Variants in LRRC4C observed in about 807,000 individuals in gnomAD.
LRRC4C encodes the protein leucine-rich repeat-containing protein 4C.
LRRC4C carries 5 observed loss-of-function variants against 33.6 expected under a neutral mutation model. The observed-to-expected ratio is 0.15, with a 90% CI of 0.08 to 0.31. The LOEUF is 0.31. LRRC4C is among the 10% of genes least tolerant of loss of function. The probability of loss-of-function intolerance (pLI) is 1.00; values close to 1 mark genes in which losing one functional copy is unlikely to be tolerated. For missense variants in LRRC4C, 560 were observed against 796.7 expected, an observed-to-expected ratio of 0.70 and a Z score of 3.58; for synonymous variants, 329 against 302.0, an observed-to-expected ratio of 1.09 and a Z score of -0.93.
chr11:40,542,569 C>T (rs1186741790), intron 3 of LRRC4C, among the ~76,000 whole-genome samples: 2 of 152,134 alleles, frequency 1.3e-5, no homozygotes, highest in African/African-American at 2.4e-5. Context: ...ACCAGGACCA[C>T]TTTTTATAAT....
At chr11:40,155,609 G>A (rs1858619786) in intron 5 of LRRC4C, among the ~76,000 whole-genome samples, 2 of 152,016 alleles carry the variant, frequency 1.3e-5, no homozygotes, top group Admixed American at 1.3e-4. Flanking sequence ...ACCCAGAAGA[G>A]ATGGATAAAT....
intron 4 of LRRC4C, among the ~76,000 whole-genome samples, chr11:40,281,951 G>A (rs1356921046): frequency 6.6e-6 from 1 of 152,156 alleles, no homozygotes; most frequent in Non-Finnish European, 1.5e-5. Context: ...CATTCCCAAT[G>A]TGACTTGGTC....
chr11:40,897,705 T>C (rs1256160894), intron 2 of LRRC4C, among the ~76,000 whole-genome samples: 1 of 152,212 alleles, frequency 6.6e-6, no homozygotes, highest in Admixed American at 6.5e-5. Context: ...ATACAGCTAT[T>C]ACTGCTGATA....
chr11:40,909,227 A>G (rs1484014791), intron 2 of LRRC4C, among the ~76,000 whole-genome samples: 1 of 152,022 alleles, frequency 6.6e-6, no homozygotes, highest in Admixed American at 6.6e-5. Flanking sequence ...TTTTAAATCA[A>G]TCTTTTAGGT....
chr11:41,229,180 G>C (rs1441206847), intron 1 of LRRC4C, among the ~76,000 whole-genome samples: 1 of 151,972 alleles, frequency 6.6e-6, no homozygotes, highest in African/African-American at 2.4e-5. Context: ...ACTGTATTTG[G>C]AGATCAGGTC....
rs1473386961 is a variant in LRRC4C, at chr11:40,425,731, T to C, written c.-269-106010A>G. The stretch of plus-strand genomic sequence containing the variant: ...TAGTGACACTAATTGTCTTGTCTCA[T>C]GACATAAAACACTGGAACAACTAAA... On this transcript the variant is annotated intron_variant, in intron 3 of 6. Transcript: ENST00000528697. Among the ~76,000 whole-genome samples the C allele has an allele frequency of 2.0e-5, 3 of 152,248 alleles. No homozygotes were observed. The East Asian group carries it at 5.8e-4, about 29-fold the overall frequency.
intron 1 of LRRC4C, among the ~76,000 whole-genome samples, chr11:41,141,260 C>T (rs762655091): frequency 3.3e-5 from 5 of 152,054 alleles, no homozygotes; most frequent in Non-Finnish European, 5.9e-5. Context: ...CACCACCACA[C>T]AAAATTTCCA....
At chr11:40,854,371 T>G (rs898130145) in intron 2 of LRRC4C, among the ~76,000 whole-genome samples, 2 of 152,312 alleles carry the variant, frequency 1.3e-5, no homozygotes, top group South Asian at 2.1e-4. Flanking sequence ...GAAGTGTAGA[T>G]GAGAGCTTCA....
At chr11:40,987,681 T>TATATATATATATATATATATG (rs1565274752) in intron 1 of LRRC4C, among the ~76,000 whole-genome samples, 5 of 74,648 alleles carry the variant, frequency 6.7e-5, no homozygotes, top group South Asian at 4.1e-4. Context: ...AAATGATATA[T>TATATATATATATATATATATG]ATATATATAT....
At chr11:41,168,283 G>A (rs944819537) in intron 1 of LRRC4C, among the ~76,000 whole-genome samples, 8 of 152,130 alleles carry the variant, frequency 5.3e-5, no homozygotes, top group African/African-American at 1.9e-4. Flanking sequence ...AAAAACTGAT[G>A]AGCTAGCTAA....
intron 3 of LRRC4C, among the ~76,000 whole-genome samples, chr11:40,635,754 A>G (rs1244859962): frequency 6.8e-6 from 1 of 146,266 alleles, no homozygotes; most frequent in Non-Finnish European, 1.5e-5. Flanking sequence ...CTCCTGCCTC[A>G]GCCTTCCGAG....
intron 3 of LRRC4C, among the ~76,000 whole-genome samples, chr11:40,616,023 C>G (rs11035960): frequency 1.3e-5 from 2 of 151,396 alleles, no homozygotes; most frequent in Admixed American, 6.6e-5. Context: ...AAGAGAATAT[C>G]AGGATCCGGA....
intron 2 of LRRC4C, among the ~76,000 whole-genome samples, chr11:40,909,073 T>A (rs1274929157): frequency 6.6e-6 from 1 of 152,128 alleles, no homozygotes; most frequent in Non-Finnish European, 1.5e-5. Flanking sequence ...TGTTATTTTC[T>A]TTATATAACA....
At chr11:41,261,617 T>C (rs1034110442) in intron 1 of LRRC4C, among the ~76,000 whole-genome samples, 1 of 152,110 alleles carries the variant, frequency 6.6e-6, no homozygotes, top group Non-Finnish European at 1.5e-5. Flanking sequence ...TAGAACATGT[T>C]ATAAAGTACA....
At chr11:40,510,403 T>A (rs1372529405) in intron 3 of LRRC4C, among the ~76,000 whole-genome samples, 1 of 151,970 alleles carries the variant, frequency 6.6e-6, no homozygotes, top group African/African-American at 2.4e-5. Context: ...AACAAACACA[T>A]GTGCATACAC....
chr11:41,038,145 G>A (rs1709534057), intron 1 of LRRC4C, among the ~76,000 whole-genome samples: 1 of 152,180 alleles, frequency 6.6e-6, no homozygotes, highest in Admixed American at 6.5e-5. Context: ...AGGCAGGCAA[G>A]CCTCCTCAGG....
chr11:40,753,198 T>C (rs1415837077), intron 2 of LRRC4C, among the ~76,000 whole-genome samples: 2 of 151,748 alleles, frequency 1.3e-5, no homozygotes, highest in African/African-American at 2.4e-5. Flanking sequence ...CTTACAGAGA[T>C]AATAGAAGAA....
chr11:41,458,252 C>T (rs1361040318), intron 1 of LRRC4C, among the ~76,000 whole-genome samples: 7 of 152,130 alleles, frequency 4.6e-5, no homozygotes, highest in African/African-American at 1.4e-4. Context: ...AGTTGGCTAA[C>T]AGTCCATGAA....
intron 2 of LRRC4C, among the ~76,000 whole-genome samples, chr11:40,896,238 G>A (rs1468486695): frequency 6.6e-6 from 1 of 152,124 alleles, no homozygotes; most frequent in African/African-American, 2.4e-5. Flanking sequence ...CTATAGGATG[G>A]CAGGATAAAG....
Sources: allele counts gnomAD v4.1 joint callset (sites outside exome capture counted in the v4.1 genomes callset), GRCh38; gene constraint gnomAD v4.1.1; transcripts MANE v1.5; gene names NCBI Gene and HGNC (gene_info 2026-07-23, HGNC 2026-07-21).